The following SMTN variants were observed in gnomAD, a reference collection of about 807,000 sequenced individuals.
SMTN encodes smoothelin.
Under a neutral mutation model 102.0 loss-of-function variants are expected in SMTN, and 58 were observed. The ratio of observed to expected loss-of-function variants is 0.57; its 90% CI spans 0.46 to 0.71. SMTN has a LOEUF of 0.71. Among genes scored for constraint, SMTN ranks in the 30% least tolerant of loss-of-function variants. The pLI, the probability that SMTN is intolerant of heterozygous loss-of-function variation, is 0.00. For synonymous variants in SMTN, 478 were observed against 497.9 expected (o/e 0.96, Z 0.53); for missense variants, 1,185 against 1,241.7 (o/e 0.95, Z 0.69).
intron 1 of SMTN, chr22:31,082,620 C>T: frequency 1.7e-6 from 1 of 595,610 alleles, no homozygotes; most frequent in South Asian, 1.5e-5. Context: ...TGCCTGGACA[C>T]CTGGCTTCAG....
intron 11 of SMTN, chr22:31,093,594 G>A (rs749275520): frequency 1.3e-5 from 10 of 751,588 alleles, no homozygotes; most frequent in South Asian, 1.3e-4. Context: ...CCACCGTGGA[G>A]CCGGTGGCCC....
chr22:31,093,450 G>C, intron 11 of SMTN: 1 of 555,262 alleles, frequency 1.8e-6, no homozygotes, highest in Non-Finnish European at 3.4e-6. Flanking sequence ...CCAGCACCAT[G>C]CCGGGGGTAC....
At chr22:31,083,404 T>G in intron 2 of SMTN, 95 bp downstream of exon 2, 1 of 1,392,238 alleles carries the variant, frequency 7.2e-7, no homozygotes, top group South Asian at 1.5e-5. Context: ...GAAGAAGTGA[T>G]GGGGGAAAGG....
chr22:31,095,451 A>G lies in SMTN; in HGVS notation c.1781A>G (p.Lys594Arg), dbSNP rs1288665427. The G allele has an allele frequency of 2.5e-6, 4 of 1,614,242 alleles. No individual in the cohort carries two copies. Among genetic ancestry groups the G allele is most frequent in the Non-Finnish European group, 3.4e-6 (4 of 1,180,042 alleles). ...ATTGAGGATGAAGGAGTCTTGGACA[A>G]GATGGTATAGCCAGATCCGGTGGGC... The part of the protein sequence containing the change: ...MTIEDEGVLD[K>R]MLDQSTDFEE... The change falls in exon 12 of 21, where the codon AAG becomes AGG. Residue 594 changes from lysine to arginine, a missense_variant. Lys to Arg is a conservative substitution (Grantham distance 26). Around this residue, in one of 2 missense-constraint regions of SMTN, gnomAD observed 1,096 missense variants for 1,112.7 expected, o/e 0.98. Coordinates refer to ENST00000333137, the MANE Select transcript of SMTN (RefSeq NM_134269.3). The surrounding 1 kb of genome is among the most constrained non-coding windows in gnomAD (Gnocchi z 4.1).
Position 31,087,951 on chromosome 22 carries a change from C to T in SMTN, c.52-14C>T, listed in dbSNP as rs1187148575. The T allele has an allele frequency of 8.9e-6, 14 of 1,574,898 alleles. No homozygotes were observed. The highest frequency in any genetic ancestry group is 2.7e-5 in the African/African-American group (2 of 73,976). On this transcript the variant is annotated splice_polypyrimidine_tract_variant and intron_variant, in intron 2 of 20. Coordinates refer to ENST00000333137, the MANE Select transcript of SMTN (RefSeq NM_134269.3). ...CTGGCAGCCAAAATGACCTGCCTCT[C>T]GCACCCACTGCAGCTGGAGGTCACA...
rs771021628 is a variant in SMTN, at chr22:31,098,884, T to C, written c.2333+44T>C. On this transcript the variant is annotated intron_variant, in intron 17 of 20. Transcript: ENST00000333137. ...CTGGGCAGTGGGGGGCGGGGCGTGA[T>C]AGGCAGTGGGGGGCGGGGCTTGATA... 5 of 1,360,716 alleles carry C rather than the reference T, an allele frequency of 3.7e-6. No individual in the cohort carries two copies. In the African/African-American group the frequency reaches 7.3e-5, roughly 20 times the overall value. The allele number at this position is 1,360,716 out of a possible 1,614,324, so 84.3% of individuals were successfully genotyped here.
Position 31,095,319 on chromosome 22 carries a change from C to T in SMTN, c.1649C>T (p.Ala550Val), listed in dbSNP as rs1226887362. The T allele has an allele frequency of 6.2e-7, 1 of 1,613,938 alleles. No individual in the cohort carries two copies. The highest frequency in any genetic ancestry group is 1.3e-5 in the African/African-American group (1 of 75,050). Residue 550 changes from alanine to valine, a missense_variant, in exon 12 of 21, where the codon GCA (alanine) becomes GTA (valine). By Grantham distance (64) the Ala-to-Val change is moderately conservative. This residue lies in a region of SMTN where 1,096 missense variants were observed against 1,112.7 expected (regional missense o/e 0.98). Transcript: ENST00000333137. This position sits in a 1 kb window ranked among gnomAD's most constrained non-coding sequence, Gnocchi z 4.1. ...GCSIKMEAEPAEPLAAAVEAA... is the reference protein window; with the variant it reads ...GCSIKMEAEPVEPLAAAVEAA... ...ACCCTGCAGATGGAAGCAGAGCCAG[C>T]AGAGCCTCTCGCTGCAGCAGTGGAA...
chr22:31,097,796 C>T (rs2043723730), intron 16 of SMTN, among the ~76,000 whole-genome samples: 1 of 152,014 alleles, frequency 6.6e-6, no homozygotes, highest in South Asian at 2.1e-4. Flanking sequence ...AGGTCTATAG[C>T]CAGGGAGGGG....
Position 31,100,021 on chromosome 22 carries a change from C to T in SMTN, c.2603+125C>T, listed in dbSNP as rs934936147. 5 of 926,084 alleles carry T rather than the reference C, an allele frequency of 5.4e-6. No homozygotes were observed. In the African/African-American group the frequency reaches 6.6e-5, roughly 12 times the overall value. 57.4% of individuals were successfully genotyped at this position (926,084 alleles called of 1,614,324 possible). A position where few individuals can be genotyped will look rare whatever the true frequency, so the allele number is the denominator to read the frequency against. The stretch of plus-strand genomic sequence containing the variant: ...ACATTGTCAGTCAGCGGCTGAGACC[C>T]CCTTCCCCAGAGAGTCCCCGTCCTT... On this transcript the variant is annotated intron_variant, in intron 19 of 20. Coordinates refer to ENST00000333137, the MANE Select transcript of SMTN (RefSeq NM_134269.3).
intron 2 of SMTN, chr22:31,085,085 G>T: frequency 6.5e-7 from 1 of 1,534,382 alleles, no homozygotes; most frequent in African/African-American, 1.4e-5. Flanking sequence ...GGGAGGAATG[G>T]GGACGCCTGG....
At chr22:31,087,840 G>A (rs1414610658) in intron 2 of SMTN, 125 bp from the exon 3 acceptor site, 16 of 1,088,082 alleles carry the variant, frequency 1.5e-5, no homozygotes, top group Non-Finnish European at 2.0e-5. Flanking sequence ...GCAGGCACGT[G>A]AAGAGCTTGG....
At chr22:31,091,614 T>C (rs2043139652) in intron 10 of SMTN, 61 bp from the exon 11 acceptor site, 7 of 1,527,456 alleles carry the variant, frequency 4.6e-6, no homozygotes, top group Non-Finnish European at 5.3e-6. Context: ...ATTATCAACC[T>C]TGTCTGGCAC....
chr22:31,074,823 CAACAACAAA>C, intron 1 of SMTN, among the ~76,000 whole-genome samples: 1 of 152,068 alleles, frequency 6.6e-6, no homozygotes, highest in Admixed American at 6.6e-5. Context: ...ACAACAACAA[CAACAACAAA>C]ACACAGGTGC....
At chr22:31,073,952 T>G (rs1315858269) in intron 1 of SMTN, among the ~76,000 whole-genome samples, 1 of 152,210 alleles carries the variant, frequency 6.6e-6, no homozygotes, top group Non-Finnish European at 1.5e-5. Context: ...AGTGGTCTCT[T>G]AGGCAGGATA....
chr22:31,082,672 C>G lies in SMTN; in HGVS notation c.-80-507C>G, dbSNP rs1477569151. ...AGCTGGCTCCAAGAATCGGAAGACA[C>G]AGTGTACCTTCCTATACCTGGGGGA... On this transcript the variant is annotated intron_variant, in intron 1 of 20. Transcript: ENST00000333137. 7 of 640,158 alleles carry G rather than the reference C, an allele frequency of 1.1e-5. No homozygotes were observed. The East Asian group carries it at 2.1e-4, about 19-fold the overall frequency. The allele number at this position is 640,158 out of a possible 1,614,324, so 39.7% of individuals were successfully genotyped here. A position where few individuals can be genotyped will look rare whatever the true frequency, so the allele number is the denominator to read the frequency against.
At chr22:31,071,764 C>T (rs535947481) in intron 1 of SMTN, among the ~76,000 whole-genome samples, 5 of 148,060 alleles carry the variant, frequency 3.4e-5, no homozygotes, top group African/African-American at 1.2e-4. Context: ...GGCATGATCT[C>T]GGCTCACTGC....
intron 14 of SMTN, 43 bp from the exon 15 acceptor site, chr22:31,096,954 GC>G: frequency 6.2e-7 from 1 of 1,613,046 alleles, no homozygotes; most frequent in Non-Finnish European, 8.5e-7. Context: ...TCCTCCCCCA[GC>G]CCCCTGTGCC....
rs1319444417 is a variant in SMTN at position 31,073,024 on chromosome 22, T to TTTTTTTTC, written c.-385-7419_-385-7418insCTTTTTTT. On this transcript the variant is annotated intron_variant, in intron 1 of 3. Transcript: ENST00000422839. ...CTCTCTCTCTCTCTTTTTTTTTTTT[T>TTTTTTTTC]TTTTTTTTGAGACAGGGTCTTGCTC... is the stretch of plus-strand genomic sequence containing the variant. Among the ~76,000 whole-genome samples the TTTTTTTTC allele has an allele frequency of 1.5e-3, 201 of 136,520 alleles. 8 individuals carry two copies. The highest frequency in any genetic ancestry group is 5.2e-3 in the African/African-American group (196 of 37,430). 89.6% of individuals were successfully genotyped at this position (136,520 alleles called of 152,430 possible). A position where few individuals can be genotyped will look rare whatever the true frequency, so the allele number is the denominator to read the frequency against.
chr22:31,071,696 CTTT>C (rs760104691), intron 1 of SMTN, among the ~76,000 whole-genome samples: 6 of 87,784 alleles, frequency 6.8e-5, no homozygotes, highest in African/African-American at 1.3e-4. Flanking sequence ...CTCTCTCTCT[CTTT>C]TTTTTTTTTT....
Sources: gnomAD v4.1 joint callset for allele counts (sites outside exome capture counted in the v4.1 genomes callset) on GRCh38, gnomAD v4.1.1 for gene constraint, gnomAD v4.1.1 regional missense constraint, Gnocchi (gnomAD v3.1) non-coding constraint, MANE v1.5 for transcripts, NCBI Gene and HGNC (gene_info 2026-07-23, HGNC 2026-07-21) for gene names.